The following TMEM132B variants were observed in gnomAD, a reference collection of about 807,000 sequenced individuals.
TMEM132B encodes the protein transmembrane protein 132B.
Under a neutral mutation model 90.8 loss-of-function variants are expected in TMEM132B, and 18 were observed. The ratio of observed to expected loss-of-function variants is 0.20; its 90% CI spans 0.14 to 0.29. TMEM132B has a LOEUF of 0.29. Among genes scored for constraint, TMEM132B ranks in the 10% least tolerant of loss-of-function variants. TMEM132B has a pLI of 1.00. For synonymous variants in TMEM132B, 504 were observed against 523.3 expected (o/e 0.96, Z 0.50); for missense variants, 1,096 against 1,326.8 (o/e 0.83, Z 2.70).
intron 2 of TMEM132B, among the ~76,000 whole-genome samples, chr12:125,353,591 T>C (rs889516121): frequency 6.6e-6 from 1 of 152,242 alleles, no homozygotes; most frequent in Middle Eastern, 3.2e-3. Context: ...AACAGACAAC[T>C]GAAAGAGGCA....
At position 125,277,503 on chromosome 12, in the gene TMEM132B, ACAC is replaced by A. The variant is rs1010216779; in HGVS notation, c.68-71948_68-71946del. ...CAAAAAAAAAAGATGAAGAGGGAGA[ACAC>A]ACACACACACACACACACACACATA... On this transcript the variant is annotated intron_variant, in intron 1 of 8. Transcript: ENST00000682704. The surrounding 1 kb of genome is among the most constrained non-coding windows in gnomAD (Gnocchi z 4.3). Among the ~76,000 whole-genome samples, 3 of 33,016 alleles carry A rather than the reference ACAC, an allele frequency of 9.1e-5. No homozygotes were observed. Among genetic ancestry groups the A allele is most frequent in the South Asian group, 9.9e-4 (1 of 1,010 alleles). 21.7% of individuals were successfully genotyped at this position (33,016 alleles called of 152,430 possible).
intron 1 of TMEM132B, among the ~76,000 whole-genome samples, chr12:125,215,403 A>G (rs1318866148): frequency 6.6e-6 from 1 of 151,994 alleles, no homozygotes; most frequent in Non-Finnish European, 1.5e-5. Flanking sequence ...TGCTTTTACT[A>G]CCTTCTAGTG....
intron 1 of TMEM132B, among the ~76,000 whole-genome samples, chr12:125,267,662 T>G (rs1183473448): frequency 1.3e-5 from 2 of 152,016 alleles, no homozygotes; most frequent in Non-Finnish European, 2.9e-5. Flanking sequence ...GGGCATGCAA[T>G]AGGGAGTGGT....
At position 125,349,756 on chromosome 12, in the gene TMEM132B, A is replaced by G; in HGVS notation, c.372A>G (p.Lys124=). ...TGGACAAATTTCCCTTCAACTGGAA[A>G]TTGAAATCCCACATCCTTGACAGCT... ...GNMDKFPFNW[K]LKSHILDSSI... Residue 124 remains lysine, a synonymous_variant, in exon 2 of 9, where the codon AAA becomes AAG. Coordinates refer to ENST00000682704, the MANE Select transcript of TMEM132B (RefSeq NM_001366854.1). The surrounding 1 kb of genome is among the most constrained non-coding windows in gnomAD (Gnocchi z 4.1). The G allele has an allele frequency of 6.2e-7, 1 of 1,614,248 alleles. No homozygotes were observed. Among genetic ancestry groups the G allele is most frequent in the Non-Finnish European group, 8.5e-7 (1 of 1,180,040 alleles).
At chr12:125,376,931 A>G (rs1878510484) in intron 2 of TMEM132B, among the ~76,000 whole-genome samples, 1 of 152,230 alleles carries the variant, frequency 6.6e-6, no homozygotes, top group Non-Finnish European at 1.5e-5. Flanking sequence ...CTTCCAGGTC[A>G]TCCAGAACCC....
intron 3 of TMEM132B, among the ~76,000 whole-genome samples, chr12:125,434,988 T>G (rs1880659343): frequency 6.6e-6 from 1 of 152,186 alleles, no homozygotes; most frequent in Non-Finnish European, 1.5e-5. Context: ...TACTAAGCGT[T>G]TGGGGAAACC....
chr12:125,638,471 C>T (rs1886543988), intron 5 of TMEM132B, among the ~76,000 whole-genome samples: 1 of 152,162 alleles, frequency 6.6e-6, no homozygotes, highest in South Asian at 2.1e-4. Context: ...GTAATACATA[C>T]AAAGTGATTC....
At chr12:125,382,641 G>A (rs899532645) in intron 2 of TMEM132B, among the ~76,000 whole-genome samples, 6 of 152,174 alleles carry the variant, frequency 3.9e-5, no homozygotes, top group African/African-American at 1.4e-4. Context: ...TTAAAAAGAG[G>A]CCTTTAAAAA....
At chr12:125,531,423 G>A (rs749065704) in intron 4 of TMEM132B, among the ~76,000 whole-genome samples, 19 of 152,070 alleles carry the variant, frequency 1.2e-4, no homozygotes, top group African/African-American at 2.4e-4. Context: ...TCCTGGGCTC[G>A]AGTGATTCTC....
intron 3 of TMEM132B, among the ~76,000 whole-genome samples, chr12:125,430,677 T>C (rs1015648595): frequency 2.6e-5 from 4 of 152,174 alleles, no homozygotes; most frequent in Non-Finnish European, 5.9e-5. Context: ...TCAGCAGATG[T>C]CTATCAAGTG....
intron 3 of TMEM132B, among the ~76,000 whole-genome samples, chr12:125,425,097 G>A (rs528823851): frequency 6.6e-6 from 1 of 152,284 alleles, no homozygotes; most frequent in South Asian, 2.1e-4. Flanking sequence ...TTGAGACCAA[G>A]TCAGGGCTCA....
At chr12:125,419,310 C>T (rs546628801) in intron 3 of TMEM132B, among the ~76,000 whole-genome samples, 74 of 152,258 alleles carry the variant, frequency 4.9e-4, no homozygotes, top group Non-Finnish European at 9.1e-4. Context: ...TACCCAAGAC[C>T]GGATAATTTA....
At chr12:125,562,656 T>G (rs536692809) in intron 4 of TMEM132B, among the ~76,000 whole-genome samples, 4 of 152,274 alleles carry the variant, frequency 2.6e-5, no homozygotes, top group Admixed American at 2.0e-4. Flanking sequence ...CCCCCACATG[T>G]TGTGGGAGGG....
chr12:125,356,662 G>A (rs549940125), intron 2 of TMEM132B, among the ~76,000 whole-genome samples: 5 of 152,208 alleles, frequency 3.3e-5, no homozygotes, highest in African/African-American at 4.8e-5. Flanking sequence ...ATTTTTGCCC[G>A]TGTAGTCTGT....
chr12:125,436,467 C>G (rs1456466783), intron 3 of TMEM132B, among the ~76,000 whole-genome samples: 1 of 152,132 alleles, frequency 6.6e-6, no homozygotes, highest in Non-Finnish European at 1.5e-5. Flanking sequence ...GGGACCTAAT[C>G]CAAGATGACT....
intron 3 of TMEM132B, among the ~76,000 whole-genome samples, chr12:125,436,620 C>T (rs1376548416): frequency 6.6e-6 from 1 of 152,208 alleles, no homozygotes; most frequent in Non-Finnish European, 1.5e-5. Context: ...GGGAGACGCA[C>T]AGGACAGGTT....
At chr12:125,235,494 C>T (rs3923077) in intron 1 of TMEM132B, among the ~76,000 whole-genome samples, 44,590 of 150,908 alleles carry the variant, frequency 0.3, 6,984 homozygotes, top group Middle Eastern at 0.37. Flanking sequence ...AAATTAACTA[C>T]TTTAAACCGA....
In TMEM132B at chr12:125,209,245, G is replaced by A. The variant is rs1236646265; in HGVS notation, c.67+22379G>A. Among the ~76,000 whole-genome samples the A allele has an allele frequency of 6.6e-6, 1 of 152,232 alleles. No individual in the cohort carries two copies. The highest frequency in any genetic ancestry group is 2.4e-5 in the African/African-American group (1 of 41,456). On this transcript the variant is annotated intron_variant, in intron 1 of 8. Transcript: ENST00000682704. The surrounding 1 kb of genome is among the most constrained non-coding windows in gnomAD (Gnocchi z 4.4). ...TGCACACGAGGGCCGCTCTCTTTCT[G>A]TAAATGAATGTTGGGGAGCCTGGCC...
At chr12:125,528,327 G>T (rs1031000799) in intron 4 of TMEM132B, among the ~76,000 whole-genome samples, 7 of 152,136 alleles carry the variant, frequency 4.6e-5, no homozygotes, top group Admixed American at 3.9e-4. Flanking sequence ...TGCACATGCA[G>T]ATAAAAACCA....
Sources: allele counts gnomAD v4.1 joint callset (sites outside exome capture counted in the v4.1 genomes callset), GRCh38; gene constraint gnomAD v4.1.1; non-coding constraint Gnocchi (gnomAD v3.1); transcripts MANE v1.5; gene names NCBI Gene and HGNC (gene_info 2026-07-23, HGNC 2026-07-21).